The following SEMA6D variants were observed in gnomAD, a reference collection of about 807,000 sequenced individuals.
SEMA6D encodes the protein semaphorin 6D, also known as semaphorin-6D.
Under a neutral mutation model 106.6 loss-of-function variants are expected in SEMA6D, and 35 were observed. That is an observed-to-expected ratio of 0.33 (90% confidence interval 0.25 to 0.44). The LOEUF is 0.44. Ranked by LOEUF, SEMA6D falls within the 20% of genes least tolerant of loss-of-function variation. The pLI, the probability that SEMA6D is intolerant of heterozygous loss-of-function variation, is 1.00. For missense variants in SEMA6D, 1,185 were observed against 1,345.9 expected, an observed-to-expected ratio of 0.88 and a Z score of 1.87; for synonymous variants, 499 against 487.7, an observed-to-expected ratio of 1.02 and a Z score of -0.31.
chr15:47,556,177 C>T (rs1462463068), intron 3 of SEMA6D, among the ~76,000 whole-genome samples: 2 of 152,054 alleles, frequency 1.3e-5, no homozygotes, highest in African/African-American at 2.4e-5. Context: ...GATTATTTAT[C>T]GCACAAACAA....
intron 2 of SEMA6D, among the ~76,000 whole-genome samples, chr15:47,458,445 A>G (rs759886603): frequency 4.6e-5 from 7 of 152,036 alleles, no homozygotes; most frequent in African/African-American, 9.7e-5. Flanking sequence ...TTACCAAGAT[A>G]GACAATATTC....
chr15:47,292,407 C>T lies in SEMA6D; in HGVS notation c.-239+107989C>T, dbSNP rs543412422. ...AAGACTTAATAAGTTTACTTGGCAGCTGATGGGCAAAGTTTTAAAAAAAAT... is the reference window on the plus strand; with the variant it reads ...AAGACTTAATAAGTTTACTTGGCAGTTGATGGGCAAAGTTTTAAAAAAAAT... On this transcript the variant is annotated intron_variant, in intron 1 of 19. Transcript: ENST00000558014. 7.2e-5 allele frequency among the ~76,000 whole-genome samples: 11 copies of T among 152,198 alleles called. 1 individual carries two copies. The highest frequency in any genetic ancestry group is 3.4e-3 in the Middle Eastern group (1 of 294).
chr15:47,573,886 G>T (rs1397469439), intron 3 of SEMA6D, among the ~76,000 whole-genome samples: 2 of 152,136 alleles, frequency 1.3e-5, no homozygotes, highest in Non-Finnish European at 2.9e-5. Flanking sequence ...CCATACATCT[G>T]ATTTCAACAT....
chr15:47,698,555 A>C (rs1208752807), intron 4 of SEMA6D, among the ~76,000 whole-genome samples: 1 of 152,188 alleles, frequency 6.6e-6, no homozygotes, highest in Non-Finnish European at 1.5e-5. Context: ...GAATCTAATA[A>C]ATGAAGAAAC....
chr15:47,274,413 A>G (rs2034706526), intron 1 of SEMA6D: 1 of 152,182 alleles, frequency 6.6e-6, no homozygotes, highest in African/African-American at 2.4e-5. Flanking sequence ...TTGCTGTAAT[A>G]TTAACTTAAA....
rs10652948 is a variant in SEMA6D at position 47,227,419 on chromosome 15, C to CTCTTTCTTTCTTTCTTTCTTTCTTTCTT, written c.-239+43022_-239+43023insCTTTCTTTCTTTCTTTCTTTCTTTCTTT. 2.5e-3 allele frequency among the ~76,000 whole-genome samples: 284 copies of CTCTTTCTTTCTTTCTTTCTTTCTTTCTT among 115,400 alleles called. 9 individuals are homozygous for CTCTTTCTTTCTTTCTTTCTTTCTTTCTT. The highest frequency in any genetic ancestry group is 9.3e-3 in the African/African-American group (241 of 25,878). The allele number at this position is 115,400 out of a possible 152,430, so 75.7% of individuals were successfully genotyped here. A position where few individuals can be genotyped will look rare whatever the true frequency, so the allele number is the denominator to read the frequency against. On this transcript the variant is annotated intron_variant, in intron 1 of 19. Coordinates refer to the SEMA6D transcript ENST00000558014. ...TTCTACCTTATGTCTTTCTTTCTTT[C>CTCTTTCTTTCTTTCTTTCTTTCTTTCTT]TCTTTCTTTCTTTCTTTCTTTTCTT...
At chr15:47,716,416 G>A (rs935214951), upstream of SEMA6D, among the ~76,000 whole-genome samples, 1 of 152,156 alleles carries the variant, frequency 6.6e-6, no homozygotes, top group African/African-American at 2.4e-5. Context: ...GGAGAAAGCA[G>A]GAACCATTGA....
chr15:47,471,027 G>C (rs1168373016), intron 3 of SEMA6D, among the ~76,000 whole-genome samples: 1 of 152,150 alleles, frequency 6.6e-6, no homozygotes, highest in African/African-American at 2.4e-5. Flanking sequence ...GTTGCATGAT[G>C]CCTATAGATG....
rs143950669 is a variant in SEMA6D, at chr15:47,723,268, A to G, written c.-55+5576A>G. Among the ~76,000 whole-genome samples, 57 of 151,990 alleles carry G rather than the reference A, an allele frequency of 3.8e-4. No homozygotes were observed. In the East Asian group the frequency reaches 0.011, roughly 28 times the overall value. ...TCCATTGGCCGTATAATTATTACACACCCTTCTTTTCAAGCATCCTAGAAC... is the reference window on the plus strand; with the variant it reads ...TCCATTGGCCGTATAATTATTACACGCCCTTCTTTTCAAGCATCCTAGAAC... On this transcript the variant is annotated intron_variant, in intron 1 of 18. Coordinates refer to ENST00000536845, the MANE Select transcript of SEMA6D (RefSeq NM_001358351.3).
At chr15:47,486,910 G>A (rs1196853998) in intron 3 of SEMA6D, among the ~76,000 whole-genome samples, 1 of 152,128 alleles carries the variant, frequency 6.6e-6, no homozygotes, top group Admixed American at 6.6e-5. Context: ...CAAGGCATAT[G>A]TACTGTTTAA....
At chr15:47,595,912 T>C (rs2076527162) in intron 3 of SEMA6D, among the ~76,000 whole-genome samples, 1 of 152,128 alleles carries the variant, frequency 6.6e-6, no homozygotes, top group East Asian at 1.9e-4. Flanking sequence ...CCACTTCTAT[T>C]CAATGTAATA....
intron 1 of SEMA6D, among the ~76,000 whole-genome samples, chr15:47,212,553 C>G (rs569134840): frequency 6.3e-4 from 96 of 152,298 alleles, no homozygotes; most frequent in African/African-American, 2.3e-3. Context: ...TATGGCAATT[C>G]AAGCATTTCC....
intron 1 of SEMA6D, among the ~76,000 whole-genome samples, chr15:47,751,674 A>C (rs552324999): frequency 6.6e-6 from 1 of 152,284 alleles, no homozygotes; most frequent in East Asian, 1.9e-4. Flanking sequence ...GTTTAGTGGT[A>C]CTAAATCAAT....
At chr15:47,491,213 CCA>C (rs1227899431) in intron 3 of SEMA6D, among the ~76,000 whole-genome samples, 4 of 152,032 alleles carry the variant, frequency 2.6e-5, no homozygotes, top group African/African-American at 4.8e-5. Flanking sequence ...CTTTGCCCAC[CCA>C]CCTCAAATAA....
intron 4 of SEMA6D, among the ~76,000 whole-genome samples, chr15:47,696,467 G>A (rs878947254): frequency 6.6e-6 from 1 of 152,216 alleles, no homozygotes; most frequent in Admixed American, 6.5e-5. Context: ...AATAGGGGCT[G>A]TGGGGAAGGA....
At chr15:47,512,103 C>T (rs986521937) in intron 3 of SEMA6D, among the ~76,000 whole-genome samples, 4 of 152,138 alleles carry the variant, frequency 2.6e-5, no homozygotes, top group African/African-American at 7.2e-5. Flanking sequence ...AATGCTGATA[C>T]CAATACATAA....
chr15:47,433,003 A>G (rs931593653), intron 2 of SEMA6D, among the ~76,000 whole-genome samples: 44 of 152,128 alleles, frequency 2.9e-4, no homozygotes, highest in Non-Finnish European at 5.9e-5. Flanking sequence ...CCATATTTAT[A>G]GGTTACTCAA....
chr15:47,197,329 T>C (rs1330218763), intron 1 of SEMA6D, among the ~76,000 whole-genome samples: 1 of 152,220 alleles, frequency 6.6e-6, no homozygotes, highest in African/African-American at 2.4e-5. Context: ...TTTTAAGTTT[T>C]CACAGGCAGT....
intron 1 of SEMA6D, among the ~76,000 whole-genome samples, chr15:47,284,523 A>G (rs1013033320): frequency 6.6e-6 from 1 of 152,160 alleles, no homozygotes; most frequent in Non-Finnish European, 1.5e-5. Flanking sequence ...TAAATTTGAG[A>G]TTCCACTATA....
Sources: allele counts gnomAD v4.1 joint callset (sites outside exome capture counted in the v4.1 genomes callset), GRCh38; gene constraint gnomAD v4.1.1; transcripts MANE v1.5; gene names NCBI Gene and HGNC (gene_info 2026-07-23, HGNC 2026-07-21).